CEP85L: variants seen among roughly 807,000 people sequenced by gnomAD.
The protein encoded by CEP85L is centrosomal protein 85L.
A neutral mutation model predicts 100.3 loss-of-function variants in CEP85L; 60 were observed. The observed-to-expected ratio is 0.60, with a 90% CI of 0.49 to 0.74. CEP85L has a LOEUF of 0.74. Among genes scored for constraint, CEP85L ranks in the 30% least tolerant of loss-of-function variants. The pLI is 0.00. For synonymous variants in CEP85L, 319 were observed against 322.7 expected (o/e 0.99, Z 0.12); for missense variants, 973 against 936.2 (o/e 1.04, Z -0.51).
intron 4 of CEP85L, among the ~76,000 whole-genome samples, chr6:118,522,153 G>A (rs1279110285): frequency 1.3e-5 from 2 of 152,062 alleles, no homozygotes; most frequent in Non-Finnish European, 2.9e-5. Context: ...CTGAGGTCGG[G>A]AGTTCGAGAC....
intron 3 of CEP85L, among the ~76,000 whole-genome samples, chr6:118,555,726 CTTG>C (rs1214483931): frequency 6.6e-6 from 1 of 152,054 alleles, no homozygotes; most frequent in Non-Finnish European, 1.5e-5. Context: ...TCATGGGGAG[CTTG>C]TTGTATGTAT....
intron 5 of CEP85L, chr6:118,501,548 A>T (rs1775302623): frequency 7.8e-6 from 4 of 510,078 alleles, no homozygotes; most frequent in Non-Finnish European, 1.1e-5. Context: ...TCTCAGCAAC[A>T]TGAAAGAAGA....
intron 2 of CEP85L, among the ~76,000 whole-genome samples, chr6:118,622,026 C>T (rs1185773163): frequency 6.6e-6 from 1 of 152,134 alleles, no homozygotes; most frequent in Non-Finnish European, 1.5e-5. Context: ...ACAGAGAGAC[C>T]AGGAATAGCT....
rs549337799 is a variant in CEP85L, at chr6:118,490,295, T to C, written c.1437+1391A>G. Among the ~76,000 whole-genome samples the C allele has an allele frequency of 1.1e-4, 17 of 152,356 alleles. No individual in the cohort carries two copies. In the South Asian group the frequency reaches 3.5e-3, roughly 32 times the overall value. The stretch of plus-strand genomic sequence containing the variant: ...ACAATATGCCTATAGTTCTGAATTA[T>C]ACACTCAAAAATTTGTTAAAAGGGT... On this transcript the variant is annotated intron_variant, in intron 6 of 12. Transcript: ENST00000368491.
In CEP85L at chr6:118,465,467, A is replaced by T. The variant is rs1479761448; in HGVS notation, c.2356T>A (p.Leu786Ile). ...VCQLRRDIDE[L>I]RTTISDRYAQ... ...TAGCGGTCTGATATTGTAGTCCTTA[A>T]TTCATCAATGTCTCTTCGTAACTGG... Residue 786 changes from leucine to isoleucine, a missense_variant, in exon 13 of 13, where the codon TTA becomes ATA. Physicochemically the swap from Leu to Ile is conservative, Grantham distance 5. Around this residue, in one of 3 missense-constraint regions of CEP85L, gnomAD observed 890 missense variants for 844.5 expected, o/e 1.05. Transcript: ENST00000368491. 1 of 1,613,648 alleles carries T rather than the reference A, an allele frequency of 6.2e-7. No homozygotes were observed. Among genetic ancestry groups the T allele is most frequent in the Non-Finnish European group, 8.5e-7 (1 of 1,179,666 alleles).
chr6:118,646,952 C>A (rs1775240892), intron 1 of CEP85L: 1 of 985,248 alleles, frequency 1.0e-6, no homozygotes, highest in Non-Finnish European at 1.2e-6. Flanking sequence ...TCATTCAAGC[C>A]AGGAAGTGAT....
At chr6:118,676,083 T>C (rs1156956943) in intron 1 of CEP85L, among the ~76,000 whole-genome samples, 1 of 152,218 alleles carries the variant, frequency 6.6e-6, no homozygotes, top group African/African-American at 2.4e-5. Flanking sequence ...TTACTATTAT[T>C]AGTCAGCTTG....
At chr6:118,504,852 T>C (rs1775540096) in intron 5 of CEP85L, among the ~76,000 whole-genome samples, 1 of 152,176 alleles carries the variant, frequency 6.6e-6, no homozygotes, top group Non-Finnish European at 1.5e-5. Context: ...TGCTGAAGAA[T>C]ATGCAGAACT....
At chr6:118,513,496 G>C (rs1475712535) in intron 4 of CEP85L, among the ~76,000 whole-genome samples, 1 of 151,962 alleles carries the variant, frequency 6.6e-6, no homozygotes, top group African/African-American at 2.4e-5. Flanking sequence ...AAGATGAAGA[G>C]GATGGCAAAT....
At chr6:118,633,149 A>C (rs1774276028) in intron 1 of CEP85L, among the ~76,000 whole-genome samples, 1 of 151,846 alleles carries the variant, frequency 6.6e-6, no homozygotes, top group South Asian at 2.1e-4. Context: ...TTATTTCCTT[A>C]ATTATTATTT....
In CEP85L at chr6:118,565,731, T is replaced by A; in HGVS notation, c.818A>T (p.Glu273Val). ...KPIMTSSEAFEPPKYLMLGQQ... is the reference protein window; with the variant it reads ...KPIMTSSEAFVPPKYLMLGQQ... Reference sequence around the variant, plus strand: ...ACCAAGCATTAAATATTTTGGAGGTTCAAAAGCCTCTGAGCTTGTCATAAT... The same window carrying A: ...ACCAAGCATTAAATATTTTGGAGGTACAAAAGCCTCTGAGCTTGTCATAAT... Residue 273 changes from glutamate (E) to valine (V), a missense_variant, in exon 3 of 13, where the codon GAA becomes GTA. Physicochemically the swap from Glu to Val is moderately radical, Grantham distance 121 (BLOSUM62 -2). This residue lies in a region of CEP85L where 890 missense variants were observed against 844.5 expected (regional missense o/e 1.05). Transcript: ENST00000368491. 1 of 1,614,176 alleles carries A rather than the reference T, an allele frequency of 6.2e-7. No homozygotes were observed. Among genetic ancestry groups the A allele is most frequent in the Non-Finnish European group, 8.5e-7 (1 of 1,180,026 alleles).
chr6:118,540,365 C>A (rs1169132455), intron 3 of CEP85L, among the ~76,000 whole-genome samples: 1 of 152,078 alleles, frequency 6.6e-6, no homozygotes, highest in Non-Finnish European at 1.5e-5. Context: ...CAGAAGGTTA[C>A]CATTTTGTTA....
chr6:118,614,476 A>C (rs1772878849), intron 2 of CEP85L, among the ~76,000 whole-genome samples: 1 of 152,206 alleles, frequency 6.6e-6, no homozygotes, highest in Admixed American at 6.5e-5. Flanking sequence ...CAAAATTCCA[A>C]GGTATCTACC....
In CEP85L at chr6:118,566,261, A is replaced by G. The variant is rs1779500903; in HGVS notation, c.288T>C (p.Thr96=). ...ACGGCATCACATGGGCAGTAGGAAG[A>G]GTAATCAATGATTGACTAGGCTTAA... is the stretch of plus-strand genomic sequence containing the variant. ...LSFKPSQSLI[T]LPTAHVMPSN... is the part of the protein sequence containing the mutation. The change falls in exon 3 of 13, where the codon ACT becomes ACC. Residue 96 remains threonine, a synonymous_variant. Coordinates refer to ENST00000368491, the MANE Select transcript of CEP85L (RefSeq NM_001042475.3). The G allele has an allele frequency of 6.2e-7, 1 of 1,614,056 alleles. No homozygotes were observed. The highest frequency in any genetic ancestry group is 8.5e-7 in the Non-Finnish European group (1 of 1,180,012).
intron 2 of CEP85L, among the ~76,000 whole-genome samples, chr6:118,632,189 T>C (rs1413305543): frequency 2.0e-5 from 3 of 152,238 alleles, no homozygotes; most frequent in South Asian, 2.1e-4. Flanking sequence ...CGGGATTTCA[T>C]TGTATTAGAC....
intron 2 of CEP85L, among the ~76,000 whole-genome samples, chr6:118,617,964 G>C (rs570186338): frequency 6.6e-6 from 1 of 152,240 alleles, no homozygotes; most frequent in Admixed American, 6.5e-5. Context: ...AAGACCACTG[G>C]ACTAAAAACA....
chr6:118,709,556 T>TGTGTGTGTGTGTGTGTGTGTGAGAGAGA (rs751698371), intron 1 of CEP85L, among the ~76,000 whole-genome samples: 2 of 142,224 alleles, frequency 1.4e-5, no homozygotes, highest in African/African-American at 5.6e-5. Context: ...TGTGTGTGTG[T>TGTGTGTGTGTGTGTGTGTGTGAGAGAGA]GAGAGAGAGA....
intron 2 of CEP85L, among the ~76,000 whole-genome samples, chr6:118,575,328 A>G (rs975017551): frequency 6.6e-6 from 1 of 152,240 alleles, no homozygotes; most frequent in African/African-American, 2.4e-5. Flanking sequence ...TATTTAAACC[A>G]AAGAACCTAC....
chr6:118,697,156 G>A (rs57237379), intron 1 of CEP85L, among the ~76,000 whole-genome samples: 53,462 of 151,990 alleles, frequency 0.35, 9,683 homozygotes, highest in Middle Eastern at 0.43. Flanking sequence ...ACCTGCAAGC[G>A]TAGAGGTGTG....
Sources: allele counts gnomAD v4.1 joint callset (sites outside exome capture counted in the v4.1 genomes callset), GRCh38; gene constraint gnomAD v4.1.1; regional missense constraint gnomAD v4.1.1; transcripts MANE v1.5; gene names NCBI Gene and HGNC (gene_info 2026-07-23, HGNC 2026-07-21).